Variants in FAM117A observed in about 807,000 individuals in gnomAD.
The protein encoded by FAM117A is protein FAM117A.
FAM117A carries 21 observed loss-of-function variants against 44.1 expected under a neutral mutation model. That is an observed-to-expected ratio of 0.48 (90% CI 0.34 to 0.69). The LOEUF (loss-of-function observed/expected upper bound fraction) is 0.69. Ranked by LOEUF, FAM117A falls within the 30% of genes least tolerant of loss-of-function variation. The pLI, the probability that FAM117A is intolerant of heterozygous loss-of-function variation, is 0.01. For synonymous variants in FAM117A, 220 were observed against 238.3 expected (o/e 0.92, Z 0.71); for missense variants, 498 against 589.9 (o/e 0.84, Z 1.61).
intron 1 of FAM117A, among the ~76,000 whole-genome samples, chr17:49,753,785 AAAACAAAC>A (rs538944982): frequency 7.2e-5 from 11 of 152,192 alleles, no homozygotes; most frequent in African/African-American, 2.7e-4. Flanking sequence ...CTCTGTCTCA[AAAACAAAC>A]AAACAAACAA....
intron 1 of FAM117A, among the ~76,000 whole-genome samples, chr17:49,772,947 G>A (rs2073765519): frequency 6.6e-6 from 1 of 152,114 alleles, no homozygotes; most frequent in Non-Finnish European, 1.5e-5. Flanking sequence ...CAAGGCAGGA[G>A]GATCACGAGG....
intron 1 of FAM117A, among the ~76,000 whole-genome samples, chr17:49,744,790 G>A (rs1341434631): frequency 6.6e-6 from 1 of 151,336 alleles, no homozygotes; most frequent in Non-Finnish European, 1.5e-5. Context: ...GGGGCAGGAG[G>A]ATCACTTGAG....
chr17:49,768,960 A>G (rs1015588212), upstream of FAM117A, among the ~76,000 whole-genome samples: 2 of 152,192 alleles, frequency 1.3e-5, no homozygotes, highest in Non-Finnish European at 2.9e-5. Context: ...TTTTGCTCTC[A>G]GTGGCCATCT....
rs547933144 is a variant in FAM117A at position 49,762,839 on chromosome 17, T to A, written c.196+1053A>T. Among the ~76,000 whole-genome samples, 6 of 152,302 alleles carry A rather than the reference T, an allele frequency of 3.9e-5. No homozygotes were observed. In the East Asian group the frequency reaches 5.8e-4, roughly 15 times the overall value. The stretch of plus-strand genomic sequence containing the variant: ...CATGCAAGTAGGTTCCTTTTCCCCT[T>A]CCTAAGTACTTGCATTTGTGGGATC... On this transcript the variant is annotated intron_variant, in intron 1 of 7. Transcript: ENST00000240364.
At chr17:49,734,431 CA>C (rs539365993) in intron 1 of FAM117A, among the ~76,000 whole-genome samples, 55 of 139,642 alleles carry the variant, frequency 3.9e-4, no homozygotes, top group Non-Finnish European at 3.5e-4. Context: ...TCTCTAAAAA[CA>C]AAAAAAAAAA....
chr17:49,720,319 A>AACAT lies in FAM117A; in HGVS notation c.573+3_573+6dup. The AACAT allele has an allele frequency of 6.2e-7, 1 of 1,608,810 alleles. No homozygotes were observed. The highest frequency in any genetic ancestry group is 1.1e-5 in the South Asian group (1 of 90,980). On this transcript the variant is annotated splice_region_variant and intron_variant, in intron 4 of 7. Coordinates refer to ENST00000240364, the MANE Select transcript of FAM117A (RefSeq NM_030802.4). ...CAGAGGGGAGAGGGCTGGGGGAGAA[A>AACAT]ACATACCCTCAGTGCTCCCCGCACT...
intron 1 of FAM117A, among the ~76,000 whole-genome samples, chr17:49,777,628 C>A (rs149439210): frequency 1.3e-3 from 198 of 151,962 alleles, no homozygotes; most frequent in African/African-American, 4.6e-3. Context: ...TCCATGGCTC[C>A]AAGAAAAACT....
chr17:49,772,335 C>T (rs1157236158), intron 1 of FAM117A, among the ~76,000 whole-genome samples: 5 of 151,572 alleles, frequency 3.3e-5, no homozygotes, highest in African/African-American at 7.3e-5. Flanking sequence ...AAGCTGGGTG[C>T]GGTGGCTCAT....
rs1174238781 is a variant in FAM117A at position 49,717,506 on chromosome 17, G to A, written c.910+7C>T. 5 of 1,613,462 alleles carry A rather than the reference G, an allele frequency of 3.1e-6. No homozygotes were observed. The highest frequency in any genetic ancestry group is 1.1e-5 in the South Asian group (1 of 91,008). On this transcript the variant is annotated splice_region_variant and intron_variant, in intron 6 of 7. Coordinates refer to ENST00000240364, the MANE Select transcript of FAM117A (RefSeq NM_030802.4). ...TCAGCCCTGCTGCCTCAGCCTTCGC[G>A]GCTTACCTTTGTCGTTGGGGGTGGA... is the stretch of plus-strand genomic sequence containing the variant.
At chr17:49,720,278 C>T in intron 4 of FAM117A, 48 bp downstream of exon 4, 2 of 1,455,496 alleles carry the variant, frequency 1.4e-6, no homozygotes, top group Non-Finnish European at 9.6e-7. Context: ...TATAGGGGGG[C>T]CTGCATGGAG....
chr17:49,784,382 A>G (rs916754491), intron 1 of FAM117A, among the ~76,000 whole-genome samples: 3 of 152,122 alleles, frequency 2.0e-5, no homozygotes, highest in South Asian at 2.1e-4. Context: ...TGCCCTTCAC[A>G]GCTGCCAGAA....
rs115810635 is a variant in FAM117A, at chr17:49,750,832, G to A, written c.196+13060C>T. Reference sequence around the variant, plus strand: ...ACCAGAAAAAGTGCTTGGTATATAAGATTATTAGTTACTACTTTTTTAAAA... The same window carrying A: ...ACCAGAAAAAGTGCTTGGTATATAAAATTATTAGTTACTACTTTTTTAAAA... On this transcript the variant is annotated intron_variant, in intron 1 of 7. Coordinates refer to ENST00000240364, the MANE Select transcript of FAM117A (RefSeq NM_030802.4). Among the ~76,000 whole-genome samples, 236 of 152,218 alleles carry A rather than the reference G, an allele frequency of 1.6e-3. 1 individual carries two copies. Among genetic ancestry groups the A allele is most frequent in the African/African-American group, 5.4e-3 (226 of 41,530 alleles).
chr17:49,710,969 G>GT lies in FAM117A; in HGVS notation c.*285_*286insA. 3.0e-6 allele frequency: 1 copy of GT among 337,608 alleles called. No homozygotes were observed. 20.9% of individuals were successfully genotyped at this position (337,608 alleles called of 1,614,324 possible). ...CATTTGGACTGACACCCAGGGGTGG[G>GT]GGACTCAAGACCTTCTGGGTGTTTT... is the stretch of plus-strand genomic sequence containing the variant. On this transcript the variant is annotated 3_prime_UTR_variant, in exon 8 of 8. Coordinates refer to ENST00000240364, the MANE Select transcript of FAM117A (RefSeq NM_030802.4).
Position 49,711,173 on chromosome 17 carries a change from A to G in FAM117A, c.*82T>C, listed in dbSNP as rs1012660090. ...AAGGCCGAGAGGGAAGGGCCCCTCCATACCCCATCTCAGGGGACCTGGGGA... is the reference window on the plus strand; with the variant it reads ...AAGGCCGAGAGGGAAGGGCCCCTCCGTACCCCATCTCAGGGGACCTGGGGA... On this transcript the variant is annotated 3_prime_UTR_variant, in exon 8 of 8. Transcript: ENST00000240364. 16 of 1,363,546 alleles carry G rather than the reference A, an allele frequency of 1.2e-5. No individual in the cohort carries two copies. The Admixed American group carries it at 1.6e-4, about 14-fold the overall frequency. 84.5% of individuals were successfully genotyped at this position (1,363,546 alleles called of 1,614,324 possible).
intron 1 of FAM117A, among the ~76,000 whole-genome samples, chr17:49,787,848 T>C (rs1432459072): frequency 6.6e-6 from 1 of 152,202 alleles, no homozygotes. Flanking sequence ...TTCCTTCCTC[T>C]TCCTCCGCCT....
Position 49,750,293 on chromosome 17 carries a change from C to T in FAM117A, c.196+13599G>A, listed in dbSNP as rs543883965. On this transcript the variant is annotated intron_variant, in intron 1 of 7. Transcript: ENST00000240364. Reference sequence around the variant, plus strand: ...TCACATGCAGACACACACACACACACTTTCCTTCATTGAGTTTCCTTGTGT... The same window carrying T: ...TCACATGCAGACACACACACACACATTTTCCTTCATTGAGTTTCCTTGTGT... Among the ~76,000 whole-genome samples the T allele has an allele frequency of 2.0e-5, 3 of 149,090 alleles. No individual in the cohort carries two copies. In the South Asian group the frequency reaches 6.3e-4, roughly 31 times the overall value.
intron 2 of FAM117A, among the ~76,000 whole-genome samples, chr17:49,728,487 G>A (rs908393434): frequency 5.3e-5 from 8 of 151,690 alleles, no homozygotes; most frequent in African/African-American, 1.7e-4. Context: ...CATCTTACCT[G>A]GGGAATGCAG....
At chr17:49,745,794 G>A (rs765355355) in intron 1 of FAM117A, among the ~76,000 whole-genome samples, 18 of 152,174 alleles carry the variant, frequency 1.2e-4, no homozygotes, top group Non-Finnish European at 2.5e-4. Flanking sequence ...CAAAGAAACA[G>A]GAATGGGAAG....
Position 49,776,121 on chromosome 17 carries a change from C to T in FAM117A, c.-621+12376G>A, listed in dbSNP as rs116527127. On this transcript the variant is annotated intron_variant, in intron 1 of 7. Coordinates refer to the FAM117A transcript ENST00000513602. The stretch of plus-strand genomic sequence containing the variant: ...CCATGATGTAACCGGCCATGTGCCC[C>T]TGCTTCACAGCACAGAAGAATGGCG... 3.2e-3 allele frequency among the ~76,000 whole-genome samples: 487 copies of T among 152,304 alleles called. 1 individual carries two copies. Among genetic ancestry groups the T allele is most frequent in the African/African-American group, 0.011 (466 of 41,558 alleles).
Sources: gnomAD v4.1 joint callset for allele counts (sites outside exome capture counted in the v4.1 genomes callset) on GRCh38, gnomAD v4.1.1 for gene constraint, MANE v1.5 for transcripts, NCBI Gene and HGNC (gene_info 2026-07-23, HGNC 2026-07-21) for gene names.